Variants in DDR2 observed in about 807,000 individuals in gnomAD.
The protein encoded by DDR2 is discoidin domain receptor tyrosine kinase 2.
A neutral mutation model predicts 94.9 loss-of-function variants in DDR2; 27 were observed. The ratio of observed to expected loss-of-function variants is 0.28; its 90% CI spans 0.21 to 0.39. DDR2 has a LOEUF of 0.39. DDR2 is among the 10% of genes least tolerant of loss of function. DDR2 has a pLI of 1.00. For synonymous variants in DDR2, 382 were observed against 377.2 expected (o/e 1.01, Z -0.15); for missense variants, 783 against 1,076.0 (o/e 0.73, Z 3.81).
chr1:162,730,036 C>T (rs954121349), intron 3 of DDR2, among the ~76,000 whole-genome samples: 7 of 129,126 alleles, frequency 5.4e-5, no homozygotes, highest in Admixed American at 2.6e-4. Flanking sequence ...GCCACCATGC[C>T]TGGCTTTTTT....
intron 3 of DDR2, among the ~76,000 whole-genome samples, chr1:162,733,008 G>A (rs1213566555): frequency 1.3e-5 from 2 of 152,236 alleles, no homozygotes; most frequent in Non-Finnish European, 2.9e-5. Context: ...TTTCCACTCT[G>A]GGAAACTGGA....
At chr1:162,674,665 A>G (rs1392349119) in intron 2 of DDR2, among the ~76,000 whole-genome samples, 2 of 152,150 alleles carry the variant, frequency 1.3e-5, no homozygotes, top group Non-Finnish European at 2.9e-5. Context: ...GTTCTTTTGG[A>G]CACACAATTT....
chr1:162,642,561 A>G (rs564406923), intron 1 of DDR2, among the ~76,000 whole-genome samples: 1 of 151,532 alleles, frequency 6.6e-6, no homozygotes, highest in South Asian at 2.1e-4. Flanking sequence ...AAATGCTGGG[A>G]TTACAGGCGT....
intron 3 of DDR2, among the ~76,000 whole-genome samples, chr1:162,752,325 C>T (rs1271731164): frequency 1.3e-5 from 2 of 152,300 alleles, no homozygotes; most frequent in East Asian, 3.9e-4. Flanking sequence ...CCTGAGTTCC[C>T]ACTCATTGTG....
intron 1 of DDR2, among the ~76,000 whole-genome samples, chr1:162,634,297 A>G (rs1263711251): frequency 6.6e-6 from 1 of 152,188 alleles, no homozygotes; most frequent in Non-Finnish European, 1.5e-5. Context: ...TTCTGGCTCT[A>G]CCTTTTACTA....
intron 14 of DDR2, 133 bp downstream of exon 14, chr1:162,773,729 T>C (rs1647360538): frequency 3.3e-6 from 4 of 1,225,204 alleles, no homozygotes; most frequent in Non-Finnish European, 3.5e-6. Flanking sequence ...TCCACTGTTA[T>C]CCTTTTTCTT....
chr1:162,693,146 A>G (rs1024961997), intron 2 of DDR2, among the ~76,000 whole-genome samples: 1 of 152,220 alleles, frequency 6.6e-6, no homozygotes, highest in African/African-American at 2.4e-5. Flanking sequence ...ACATCAGTTT[A>G]CCTGATACCT....
At chr1:162,751,547 TG>T (rs1479674036) in intron 3 of DDR2, among the ~76,000 whole-genome samples, 4 of 152,180 alleles carry the variant, frequency 2.6e-5, no homozygotes, top group Non-Finnish European at 1.5e-5. Context: ...ACGCTGTTGG[TG>T]GGAGTGTAAA....
chr1:162,773,415 C>T, intron 13 of DDR2, 54 bp from the exon 14 acceptor site: 1 of 1,608,248 alleles, frequency 6.2e-7, no homozygotes, highest in Non-Finnish European at 8.5e-7. Flanking sequence ...AGCAAGAGTA[C>T]TGAGACATCT....
At chr1:162,667,748 G>A (rs1194655085) in intron 2 of DDR2, among the ~76,000 whole-genome samples, 3 of 152,090 alleles carry the variant, frequency 2.0e-5, no homozygotes, top group African/African-American at 4.8e-5. Context: ...AATGACAAAG[G>A]ACACCCCCAC....
In DDR2 at chr1:162,755,227, T is replaced by C; in HGVS notation, c.489T>C (p.Phe163=). The C allele has an allele frequency of 6.2e-7, 1 of 1,614,136 alleles. No individual in the cohort carries two copies. Among genetic ancestry groups the C allele is most frequent in the Non-Finnish European group, 8.5e-7 (1 of 1,180,012 alleles). The change falls in exon 6 of 18, where the codon TTT becomes TTC. Residue 163 remains phenylalanine (F), a synonymous_variant. Coordinates refer to ENST00000367921, the MANE Select transcript of DDR2 (RefSeq NM_006182.4). ...TGGAGCCGCCCATTGTAGCCAGATTTGTCCGGTTCATTCCAGTCACCGACC... is the reference window on the plus strand; with the variant it reads ...TGGAGCCGCCCATTGTAGCCAGATTCGTCCGGTTCATTCCAGTCACCGACC... ...KDLEPPIVAR[F]VRFIPVTDHS... is the part of the protein sequence containing the mutation.
intron 1 of DDR2, among the ~76,000 whole-genome samples, chr1:162,648,846 C>T (rs1657545322): frequency 6.6e-6 from 1 of 152,126 alleles, no homozygotes; most frequent in East Asian, 1.9e-4. Flanking sequence ...CCCACCAGAA[C>T]CCTTAGTAGG....
rs1203068592 is a variant in DDR2 at position 162,772,306 on chromosome 1, A to T, written c.1728+59A>T. On this transcript the variant is annotated intron_variant, in intron 13 of 17. Transcript: ENST00000367921. Reference sequence around the variant, plus strand: ...AGAAGGTGGTTGGATAAAAATGATCAGTAGAACAAAGAGTCCCTTCCAGAG... The same window carrying T: ...AGAAGGTGGTTGGATAAAAATGATCTGTAGAACAAAGAGTCCCTTCCAGAG... 3.2e-6 allele frequency: 5 copies of T among 1,541,810 alleles called. No homozygotes were observed. The Admixed American group carries it at 7.2e-5, about 22-fold the overall frequency.
At chr1:162,721,430 CCTT>C (rs1355989608) in intron 3 of DDR2, among the ~76,000 whole-genome samples, 8 of 152,170 alleles carry the variant, frequency 5.3e-5, no homozygotes, top group Non-Finnish European at 1.5e-5. Context: ...AAGGACTAAT[CCTT>C]CTCTCTGCCA....
intron 2 of DDR2, among the ~76,000 whole-genome samples, chr1:162,660,716 G>A (rs898816358): frequency 5.3e-5 from 8 of 152,200 alleles, no homozygotes; most frequent in African/African-American, 1.4e-4. Context: ...TGACACTTCT[G>A]CACAGAACAG....
intron 2 of DDR2, among the ~76,000 whole-genome samples, chr1:162,684,812 A>AACACACACACACACAC (rs56958157): frequency 9.4e-5 from 13 of 138,042 alleles, no homozygotes; most frequent in African/African-American, 2.9e-4. Context: ...CACACCCACC[A>AACACACACACACACAC]ACACACACAC....
chr1:162,642,779 C>G (rs1196114407), intron 1 of DDR2, among the ~76,000 whole-genome samples: 2 of 152,082 alleles, frequency 1.3e-5, no homozygotes, highest in Non-Finnish European at 2.9e-5. Context: ...TTAACCTTTC[C>G]CTCTCTCACT....
chr1:162,681,417 TAGGCCACTC>T (rs1418141478), intron 2 of DDR2, among the ~76,000 whole-genome samples: 1 of 152,312 alleles, frequency 6.6e-6, no homozygotes, highest in East Asian at 1.9e-4. Flanking sequence ...TTTCATTAAT[TAGGCCACTC>T]AGGCCTACCC....
Position 162,641,199 on chromosome 1 carries a change from A to G in DDR2, c.-192+8568A>G, listed in dbSNP as rs983347731. On this transcript the variant is annotated intron_variant, in intron 1 of 17. Coordinates refer to ENST00000367921, the MANE Select transcript of DDR2 (RefSeq NM_006182.4). ...ATGTTTTAAATCTTTCTGCATTTAA[A>G]TTTTTCTCATCTGTAAAGGGCAATA... Among the ~76,000 whole-genome samples, 11 of 152,248 alleles carry G rather than the reference A, an allele frequency of 7.2e-5. No homozygotes were observed. In the East Asian group the frequency reaches 2.1e-3, roughly 29 times the overall value.
Sources: gnomAD v4.1 joint callset for allele counts (sites outside exome capture counted in the v4.1 genomes callset) on GRCh38, gnomAD v4.1.1 for gene constraint, MANE v1.5 for transcripts, NCBI Gene and HGNC (gene_info 2026-07-23, HGNC 2026-07-21) for gene names.